Variants in PRKRA observed in about 807,000 individuals in gnomAD.
PRKRA encodes the protein protein activator of interferon induced protein kinase EIF2AK2.
PRKRA carries 22 observed loss-of-function variants against 32.4 expected under a neutral mutation model. That is an observed-to-expected ratio of 0.68 (90% CI 0.49 to 0.97). The LOEUF is 0.97. Ranked by LOEUF, PRKRA falls within the 50% of genes least tolerant of loss-of-function variation. The probability of loss-of-function intolerance (pLI) is 0.00; values close to 1 mark genes in which losing one functional copy is unlikely to be tolerated. For missense variants in PRKRA, 319 were observed against 375.6 expected, an observed-to-expected ratio of 0.85 and a Z score of 1.25; for synonymous variants, 139 against 129.8, an observed-to-expected ratio of 1.07 and a Z score of -0.48.
rs780283451 is a variant in PRKRA at position 178,446,992 on chromosome 2, C to CAAAAAA, written c.317+507_317+512dup. Among the ~76,000 whole-genome samples, 57 of 46,058 alleles carry CAAAAAA rather than the reference C, an allele frequency of 1.2e-3. 1 individual carries two copies. Among genetic ancestry groups the CAAAAAA allele is most frequent in the African/African-American group, 4.3e-3 (53 of 12,346 alleles). The allele number at this position is 46,058 out of a possible 152,430, so 30.2% of individuals were successfully genotyped here. A position where few individuals can be genotyped will look rare whatever the true frequency, so the allele number is the denominator to read the frequency against. ...TGGGCGACAGAGCGAGACTCCGTCT[C>CAAAAAA]AAAAAAAAAAAAAAAAAAAAAAAAA... On this transcript the variant is annotated intron_variant, in intron 3 of 7. Coordinates refer to ENST00000325748, the MANE Select transcript of PRKRA (RefSeq NM_003690.5).
At chr2:178,448,447 T>G (rs963283815) in intron 2 of PRKRA, among the ~76,000 whole-genome samples, 50 of 152,052 alleles carry the variant, frequency 3.3e-4, no homozygotes, top group African/African-American at 1.0e-3. Flanking sequence ...CAGAGTAGTG[T>G]GGGATTTTTG....
chr2:178,447,727 G>A, intron 2 of PRKRA, 141 bp from the exon 3 acceptor site: 3 of 853,990 alleles, frequency 3.5e-6, no homozygotes, highest in Non-Finnish European at 5.6e-6. Context: ...GTTATATACT[G>A]TACATAAAAA....
At chr2:178,446,376 G>A (rs1438783143) in intron 3 of PRKRA, among the ~76,000 whole-genome samples, 2 of 152,178 alleles carry the variant, frequency 1.3e-5, no homozygotes, top group Admixed American at 6.5e-5. Context: ...TGAAATGCAA[G>A]GCTTGTCTTG....
At chr2:178,448,807 A>G (rs1278381254) in intron 2 of PRKRA, among the ~76,000 whole-genome samples, 1 of 152,240 alleles carries the variant, frequency 6.6e-6, no homozygotes, top group Non-Finnish European at 1.5e-5. Flanking sequence ...AGACTGGACA[A>G]GAGGGAGAAA....
At chr2:178,436,089 C>CA in intron 7 of PRKRA, 56 bp downstream of exon 7, 4 of 1,188,122 alleles carry the variant, frequency 3.4e-6, no homozygotes, top group Non-Finnish European at 4.4e-6. Flanking sequence ...TTTTGTTCCT[C>CA]AAACACATTT....
chr2:178,447,360 G>A, intron 3 of PRKRA, 145 bp downstream of exon 3: 3 of 1,400,430 alleles, frequency 2.1e-6, no homozygotes, highest in South Asian at 2.6e-5. Context: ...TTTAATGGAT[G>A]ATAAGTTTTC....
rs570787177 is a variant in PRKRA at position 178,431,984 on chromosome 2, T to C, written c.*113A>G. The C allele has an allele frequency of 3.2e-6, 4 of 1,249,920 alleles. No homozygotes were observed. In the African/African-American group the frequency reaches 6.1e-5, roughly 19 times the overall value. 77.4% of individuals were successfully genotyped at this position (1,249,920 alleles called of 1,614,324 possible). On this transcript the variant is annotated 3_prime_UTR_variant, in exon 8 of 8. Transcript: ENST00000325748. ...TTAAATCTGGAGTGTTGATGGAATC[T>C]ATGAAGAGATTTAGAAACAAGACAT...
At position 178,432,192 on chromosome 2, in the gene PRKRA, C is replaced by T. The variant is rs774542111; in HGVS notation, c.847G>A (p.Val283Ile). 22 of 1,614,112 alleles carry T rather than the reference C, an allele frequency of 1.4e-5. No individual in the cohort carries two copies. The highest frequency in any genetic ancestry group is 1.8e-5 in the Non-Finnish European group (21 of 1,180,040). Residue 283 changes from valine (V) to isoleucine (I), a missense_variant, in exon 8 of 8, where the codon GTC becomes ATC. Physicochemically the swap from Val to Ile is conservative, Grantham distance 29. Transcript: ENST00000325748. ...CAGGAGATACCGGAGCCATGACAGA[C>T]TGTGATGGGGCTGGTGGACAGTTCA... ...LAELSTSPIT[V>I]CHGSGISCGN...
intron 7 of PRKRA, among the ~76,000 whole-genome samples, chr2:178,432,797 G>T (rs1040705100): frequency 5.3e-5 from 8 of 152,138 alleles, no homozygotes; most frequent in Admixed American, 5.2e-4. Flanking sequence ...CATAATAATT[G>T]TATGTATTTA....
rs765190632 is a variant in PRKRA, at chr2:178,441,754, C to T, written c.515-50G>A. 2.2e-5 allele frequency: 25 copies of T among 1,118,494 alleles called. No homozygotes were observed. In the Admixed American group the frequency reaches 3.7e-4, roughly 17 times the overall value. 69.3% of individuals were successfully genotyped at this position (1,118,494 alleles called of 1,614,324 possible). A position where few individuals can be genotyped will look rare whatever the true frequency, so the allele number is the denominator to read the frequency against. On this transcript the variant is annotated intron_variant, in intron 5 of 7. Coordinates refer to ENST00000325748, the MANE Select transcript of PRKRA (RefSeq NM_003690.5). Reference sequence around the variant, plus strand: ...GATTTAGAAAAGAAATTAGTGTCCACAGAGGATGATCAAACGTATGAAGTA... The same window carrying T: ...GATTTAGAAAAGAAATTAGTGTCCATAGAGGATGATCAAACGTATGAAGTA...
chr2:178,440,623 C>G (rs1697074425), intron 6 of PRKRA, among the ~76,000 whole-genome samples: 1 of 152,176 alleles, frequency 6.6e-6, no homozygotes, highest in African/African-American at 2.4e-5. Context: ...TACCATGCCC[C>G]TTTACCTCAG....
At chr2:178,438,545 T>C (rs1696992634) in intron 6 of PRKRA, among the ~76,000 whole-genome samples, 1 of 152,240 alleles carries the variant, frequency 6.6e-6, no homozygotes. Context: ...TTTTACAGTA[T>C]GTTTTGTTCT....
chr2:178,446,486 A>C (rs918253406), intron 3 of PRKRA, among the ~76,000 whole-genome samples: 7 of 152,204 alleles, frequency 4.6e-5, no homozygotes, highest in African/African-American at 1.4e-4. Context: ...CTACATGAGA[A>C]CCTAACTACA....
rs756308221 is a variant in PRKRA, at chr2:178,432,995, C to T, written c.785-741G>A. ...GAGGGCAAAGAGGAAGAAATAGAAA[C>T]GTGTGCGGTATGATTTATTTGAAGT... is the stretch of plus-strand genomic sequence containing the variant. On this transcript the variant is annotated intron_variant, in intron 7 of 7. Coordinates refer to ENST00000325748, the MANE Select transcript of PRKRA (RefSeq NM_003690.5). 2.0e-4 allele frequency among the ~76,000 whole-genome samples: 30 copies of T among 152,188 alleles called. 1 individual carries two copies. The Middle Eastern group carries it at 0.01, about 52-fold the overall frequency.
rs1187524619 is a variant in PRKRA, at chr2:178,432,080, T to C, written c.*17A>G. The C allele has an allele frequency of 6.2e-6, 10 of 1,613,998 alleles. No individual in the cohort carries two copies. Among genetic ancestry groups the C allele is most frequent in the Non-Finnish European group, 8.5e-6 (10 of 1,179,902 alleles). On this transcript the variant is annotated 3_prime_UTR_variant, in exon 8 of 8. Coordinates refer to ENST00000325748, the MANE Select transcript of PRKRA (RefSeq NM_003690.5). ...CTTTTTATGTGCTACTGAAAGATTT[T>C]TTAAGTTGCTCCAGATTTACTTTCT...
chr2:178,433,657 T>C (rs1295439980), intron 7 of PRKRA: 1 of 152,070 alleles, frequency 6.6e-6, no homozygotes, highest in Non-Finnish European at 1.5e-5. Flanking sequence ...TTTTTCTTTT[T>C]TAATTTTAAA....
chr2:178,450,553 G>T, intron 1 of PRKRA, 142 bp from the exon 2 acceptor site: 1 of 1,542,884 alleles, frequency 6.5e-7, no homozygotes, highest in South Asian at 1.2e-5. Flanking sequence ...TGGCGAGGCT[G>T]GGGCGCACCT....
At chr2:178,440,455 T>C (rs900155887) in intron 6 of PRKRA, among the ~76,000 whole-genome samples, 2 of 152,238 alleles carry the variant, frequency 1.3e-5, no homozygotes, top group Non-Finnish European at 2.9e-5. Flanking sequence ...TGAATTTATT[T>C]GTTCAGCTAC....
intron 4 of PRKRA, chr2:178,444,112 G>A (rs545566816): frequency 6.2e-4 from 170 of 273,098 alleles, no homozygotes; most frequent in Non-Finnish European, 1.1e-3. Flanking sequence ...AACAGAAGTA[G>A]AAAGAGATTT....
Sources: allele counts gnomAD v4.1 joint callset (sites outside exome capture counted in the v4.1 genomes callset), GRCh38; gene constraint gnomAD v4.1.1; transcripts MANE v1.5; gene names NCBI Gene and HGNC (gene_info 2026-07-23, HGNC 2026-07-21).